Variants in SORCS3 observed in about 807,000 individuals in gnomAD.
The protein encoded by SORCS3 is VPS10 domain-containing receptor SorCS3.
A neutral mutation model predicts 146.3 loss-of-function variants in SORCS3; 57 were observed. The observed-to-expected ratio is 0.39, with a 90% CI of 0.31 to 0.49. The LOEUF (loss-of-function observed/expected upper bound fraction) is 0.49, where lower values mean the gene tolerates loss of function less well. Ranked by LOEUF, SORCS3 falls within the 20% of genes least tolerant of loss-of-function variation. The pLI is 0.92. For synonymous variants in SORCS3, 653 were observed against 618.5 expected, an observed-to-expected ratio of 1.06 and a Z score of -0.83; for missense variants, 1,341 against 1,575.5, an observed-to-expected ratio of 0.85 and a Z score of 2.52.
At chr10:105,155,966 A>G (rs959593403) in intron 9 of SORCS3, among the ~76,000 whole-genome samples, 3 of 152,220 alleles carry the variant, frequency 2.0e-5, no homozygotes, top group Non-Finnish European at 2.9e-5. Flanking sequence ...AGAAGAGAAG[A>G]CTTTTTATTT....
At chr10:104,954,427 C>T (rs2019465836) in intron 3 of SORCS3, among the ~76,000 whole-genome samples, 1 of 152,160 alleles carries the variant, frequency 6.6e-6, no homozygotes, top group Non-Finnish European at 1.5e-5. Flanking sequence ...ACTTTTATAA[C>T]ACATGCTTCA....
chr10:104,702,747 A>T (rs763644752), intron 1 of SORCS3, among the ~76,000 whole-genome samples: 2 of 152,190 alleles, frequency 1.3e-5, no homozygotes, highest in South Asian at 2.1e-4. Flanking sequence ...GGGTTCAGGT[A>T]CATGGTCTAG....
intron 3 of SORCS3, among the ~76,000 whole-genome samples, chr10:104,931,290 G>A (rs924917030): frequency 3.9e-5 from 6 of 152,168 alleles, no homozygotes; most frequent in African/African-American, 1.4e-4. Flanking sequence ...GAAAGACACT[G>A]CACAATACAG....
At position 105,029,566 on chromosome 10, in the gene SORCS3, G is replaced by T. The variant is rs188642375; in HGVS notation, c.955-13489G>T. Among the ~76,000 whole-genome samples, 473 of 152,330 alleles carry T rather than the reference G, an allele frequency of 3.1e-3. 1 individual carries two copies. The highest frequency in any genetic ancestry group is 0.017 in the Middle Eastern group (5 of 294). On this transcript the variant is annotated intron_variant, in intron 4 of 26. Coordinates refer to ENST00000369701, the MANE Select transcript of SORCS3 (RefSeq NM_014978.3). ...AATTGTCTTTCAGCATTGGCAGTTA[G>T]AATGGTTTTGAGTGGAAACAGTCTT...
At chr10:105,125,478 G>A (rs993908756) in intron 7 of SORCS3, among the ~76,000 whole-genome samples, 2 of 152,120 alleles carry the variant, frequency 1.3e-5, no homozygotes, top group Non-Finnish European at 2.9e-5. Flanking sequence ...AGATTTTGAT[G>A]TAACCATTTT....
chr10:104,952,803 A>AT (rs2019446649), intron 3 of SORCS3, among the ~76,000 whole-genome samples: 1 of 152,218 alleles, frequency 6.6e-6, no homozygotes, highest in African/African-American at 2.4e-5. Flanking sequence ...TTGTGTTAAC[A>AT]TGTTATAAAT....
intron 2 of SORCS3, among the ~76,000 whole-genome samples, chr10:104,914,394 G>C (rs2019003712): frequency 6.6e-6 from 1 of 152,096 alleles, no homozygotes; most frequent in African/African-American, 2.4e-5. Context: ...ATTGGGAGGA[G>C]GGCTAGAGAA....
intron 1 of SORCS3, among the ~76,000 whole-genome samples, chr10:104,733,881 G>A (rs2016738070): frequency 6.6e-6 from 1 of 152,012 alleles, no homozygotes. Flanking sequence ...GCATCCCCTC[G>A]GAACGAAAAG....
At position 105,264,690 on chromosome 10, in the gene SORCS3, G is replaced by C. The variant is rs1476777063; in HGVS notation, c.*1316G>C. 6.6e-6 allele frequency: 1 copy of C among 152,658 alleles called. No individual in the cohort carries two copies. The highest frequency in any genetic ancestry group is 2.4e-5 in the African/African-American group (1 of 41,450). The allele number at this position is 152,658 out of a possible 1,614,324, so 9.5% of individuals were successfully genotyped here. On this transcript the variant is annotated 3_prime_UTR_variant, in exon 27 of 27. Transcript: ENST00000369701. ...CCTTAAAGTCAAATGTCTGCCTTCA[G>C]TTCCCTTAAGGTAGTTCTTGCCTCT...
At chr10:104,877,067 T>A (rs1315650876) in intron 2 of SORCS3, among the ~76,000 whole-genome samples, 2 of 152,064 alleles carry the variant, frequency 1.3e-5, no homozygotes, top group Admixed American at 1.3e-4. Context: ...CCCAGGTTGG[T>A]CTTGAACTTC....
rs529224948 is a variant in SORCS3 at position 104,920,625 on chromosome 10, A to G, written c.795+4693A>G. Among the ~76,000 whole-genome samples the G allele has an allele frequency of 5.1e-4, 77 of 152,294 alleles. 1 individual carries two copies. The highest frequency in any genetic ancestry group is 3.0e-3 in the Admixed American group (46 of 15,294). ...TGGTAGATCTACAGCAGCTTTCCCA[A>G]TGGGTTTATTTTGAGGACAAATTAG... is the stretch of plus-strand genomic sequence containing the variant. On this transcript the variant is annotated intron_variant, in intron 3 of 26. Transcript: ENST00000369701.
At chr10:105,042,513 T>C (rs1490669620) in intron 4 of SORCS3, among the ~76,000 whole-genome samples, 2 of 152,126 alleles carry the variant, frequency 1.3e-5, no homozygotes, top group Non-Finnish European at 2.9e-5. Context: ...TAAGGTGTTA[T>C]AAAGGGGTCA....
chr10:105,059,273 C>A (rs1165307780), intron 5 of SORCS3, among the ~76,000 whole-genome samples: 1 of 152,180 alleles, frequency 6.6e-6, no homozygotes, highest in Non-Finnish European at 1.5e-5. Context: ...CCAATGAAGA[C>A]ATTGGCACCT....
At chr10:104,647,712 C>A (rs2015511500) in intron 1 of SORCS3, among the ~76,000 whole-genome samples, 1 of 152,260 alleles carries the variant, frequency 6.6e-6, no homozygotes, top group South Asian at 2.1e-4. Flanking sequence ...TCATTTTGCC[C>A]TAAGATAACT....
chr10:105,002,371 T>C (rs2055067424), intron 4 of SORCS3, among the ~76,000 whole-genome samples: 1 of 152,176 alleles, frequency 6.6e-6, no homozygotes, highest in Non-Finnish European at 1.5e-5. Context: ...AATAACCTTT[T>C]ATTGAAGACT....
intron 7 of SORCS3, among the ~76,000 whole-genome samples, chr10:105,123,221 T>A (rs1176630461): frequency 6.6e-6 from 1 of 152,224 alleles, no homozygotes; most frequent in African/African-American, 2.4e-5. Flanking sequence ...CAAGTCATCT[T>A]TGCAGAACTT....
In SORCS3 at chr10:104,897,093, G is replaced by A. The variant is rs7901502; in HGVS notation, c.696-18740G>A. 6.5e-3 allele frequency among the ~76,000 whole-genome samples: 989 copies of A among 152,248 alleles called. 12 individuals carry two copies. The highest frequency in any genetic ancestry group is 0.023 in the African/African-American group (937 of 41,538). On this transcript the variant is annotated intron_variant, in intron 2 of 26. Transcript: ENST00000369701. ...TTAGGGGCAGGTCAGTTCATTTAAT[G>A]TGCAAAACTGAGGCAAAAACTCATC...
chr10:105,212,803 T>G lies in SORCS3; in HGVS notation c.2375+1553T>G, dbSNP rs1465641256. ...GTTTGTGTTAGGACATGGTACCCACTGAAATACCTATCATCAGTAAAAACT... is the reference window on the plus strand; with the variant it reads ...GTTTGTGTTAGGACATGGTACCCACGGAAATACCTATCATCAGTAAAAACT... On this transcript the variant is annotated intron_variant, in intron 17 of 26. Transcript: ENST00000369701. 2.0e-5 allele frequency among the ~76,000 whole-genome samples: 3 copies of G among 152,170 alleles called. No homozygotes were observed. In the East Asian group the frequency reaches 5.8e-4, roughly 29 times the overall value.
intron 4 of SORCS3, among the ~76,000 whole-genome samples, chr10:104,986,579 C>G (rs113870639): frequency 0.036 from 5,466 of 152,290 alleles, 160 homozygotes; most frequent in East Asian, 0.15. Flanking sequence ...GCCTTCCTTA[C>G]TGAGCTTAAT....
Sources: gnomAD v4.1 joint callset for allele counts (sites outside exome capture counted in the v4.1 genomes callset) on GRCh38, gnomAD v4.1.1 for gene constraint, MANE v1.5 for transcripts, NCBI Gene and HGNC (gene_info 2026-07-23, HGNC 2026-07-21) for gene names.